The following PIK3C2G variants were observed in gnomAD, a reference collection of about 807,000 sequenced individuals.
The protein encoded by PIK3C2G is phosphatidylinositol 3-kinase C2 domain-containing subunit gamma.
Under a neutral mutation model 181.1 loss-of-function variants are expected in PIK3C2G, and 168 were observed. The ratio of observed to expected loss-of-function variants is 0.93; its 90% confidence interval spans 0.82 to 1.05. The LOEUF (loss-of-function observed/expected upper bound fraction) is 1.05, where lower values mean the gene tolerates loss of function less well. Ranked by LOEUF, PIK3C2G falls within the 50% of genes least tolerant of loss-of-function variation. The pLI, the probability that PIK3C2G is intolerant of heterozygous loss-of-function variation, is 0.00. For synonymous variants in PIK3C2G, 573 were observed against 592.2 expected (o/e 0.97, Z 0.47); for missense variants, 1,869 against 1,732.8 (o/e 1.08, Z -1.40).
At chr12:18,539,404 G>A (rs967008678) in intron 25 of PIK3C2G, among the ~76,000 whole-genome samples, 1 of 151,786 alleles carries the variant, frequency 6.6e-6, no homozygotes, top group African/African-American at 2.4e-5. Context: ...ACTTAGCACA[G>A]TACTTGCCAT....
intron 1 of PIK3C2G, among the ~76,000 whole-genome samples, chr12:18,265,303 A>T (rs1482465816): frequency 6.6e-6 from 1 of 152,204 alleles, no homozygotes; most frequent in Non-Finnish European, 1.5e-5. Context: ...TCATTTAAGG[A>T]ATCATGAATA....
At chr12:18,313,888 G>C in intron 5 of PIK3C2G, 74 bp from the exon 6 acceptor site, 1 of 792,888 alleles carries the variant, frequency 1.3e-6, no homozygotes. Flanking sequence ...AAAAGAAAAT[G>C]AAGTCAGAGA....
chr12:18,362,714 T>C, intron 11 of PIK3C2G, 50 bp from the exon 12 acceptor site: 1 of 1,368,382 alleles, frequency 7.3e-7, no homozygotes. Context: ...TATAGAAAGC[T>C]AGTTTCTTTA....
chr12:18,549,375 G>A (rs987826901), intron 26 of PIK3C2G, among the ~76,000 whole-genome samples: 2 of 151,938 alleles, frequency 1.3e-5, no homozygotes, highest in Non-Finnish European at 2.9e-5. Flanking sequence ...TATATAAAAA[G>A]CATATAATAA....
chr12:18,674,504 T>C, the PIK3C2G span, among the ~76,000 whole-genome samples: 3 of 152,172 alleles, frequency 2.0e-5, no homozygotes, highest in Non-Finnish European at 4.4e-5. Flanking sequence ...ATTGAGCAAA[T>C]ACATGAATGT....
intron 11 of PIK3C2G, among the ~76,000 whole-genome samples, chr12:18,361,612 C>T (rs943879019): frequency 6.6e-6 from 1 of 151,824 alleles, no homozygotes; most frequent in African/African-American, 2.4e-5. Flanking sequence ...CACATCTTCA[C>T]TCTGCTTGTA....
intron 18 of PIK3C2G, among the ~76,000 whole-genome samples, chr12:18,479,620 C>A (rs1013291260): frequency 6.6e-6 from 1 of 152,080 alleles, no homozygotes; most frequent in Non-Finnish European, 1.5e-5. Context: ...TATAGAGCCC[C>A]GGAACTGGAA....
intron 12 of PIK3C2G, among the ~76,000 whole-genome samples, chr12:18,363,569 G>T (rs61914508): frequency 1.3e-5 from 2 of 151,798 alleles, no homozygotes; most frequent in Non-Finnish European, 2.9e-5. Context: ...CTGCCAGCTT[G>T]CTCTCAGTCA....
intron 15 of PIK3C2G, among the ~76,000 whole-genome samples, chr12:18,399,111 C>T (rs1301767452): frequency 6.8e-6 from 1 of 146,942 alleles, no homozygotes; most frequent in African/African-American, 2.5e-5. Context: ...AGGAGAATGG[C>T]GTGAACCCGG....
the PIK3C2G span, among the ~76,000 whole-genome samples, chr12:18,677,811 T>C: frequency 6.6e-6 from 1 of 152,212 alleles, no homozygotes; most frequent in South Asian, 2.1e-4. Context: ...ATCTAAAAAA[T>C]ATAAGCACAA....
the PIK3C2G span, among the ~76,000 whole-genome samples, chr12:18,713,346 T>C: frequency 6.6e-6 from 1 of 152,180 alleles, no homozygotes; most frequent in Non-Finnish European, 1.5e-5. Flanking sequence ...TGGTGGCATT[T>C]ACTGTTCAAT....
chr12:18,683,321 TAACCTGCAA>T, the PIK3C2G span: 1 of 1,612,280 alleles, frequency 6.2e-7, no homozygotes, highest in Non-Finnish European at 8.5e-7. Context: ...AATACGACGA[TAACCTGCAA>T]AAGGAATTAT....
At chr12:18,693,255 A>T in the PIK3C2G span, 1 of 1,541,642 alleles carries the variant, frequency 6.5e-7, no homozygotes, top group Non-Finnish European at 9.0e-7. Context: ...GCATACCATG[A>T]TAGGGGTGCT....
At chr12:18,325,207 A>ACCCAC in intron 8 of PIK3C2G, 109 bp downstream of exon 8, 1 of 552,382 alleles carries the variant, frequency 1.8e-6, no homozygotes, top group Non-Finnish European at 3.2e-6. Flanking sequence ...AATAAAACAG[A>ACCCAC]GGATCTACAC....
intron 12 of PIK3C2G, among the ~76,000 whole-genome samples, chr12:18,367,304 A>G (rs141439006): frequency 6.6e-6 from 1 of 152,326 alleles, no homozygotes; most frequent in Non-Finnish European, 1.5e-5. Flanking sequence ...ACCTTAAATG[A>G]ATATGACAAG....
At chr12:18,592,070 G>A (rs1234177514) in intron 29 of PIK3C2G, among the ~76,000 whole-genome samples, 1 of 151,778 alleles carries the variant, frequency 6.6e-6, no homozygotes, top group Non-Finnish European at 1.5e-5. Context: ...CTATTTAGTG[G>A]TACACTTTTG....
intron 15 of PIK3C2G, among the ~76,000 whole-genome samples, chr12:18,397,745 T>C (rs1943982195): frequency 6.6e-6 from 1 of 152,072 alleles, no homozygotes; most frequent in Non-Finnish European, 1.5e-5. Context: ...ACCTAACATA[T>C]AACCATGTCC....
intron 6 of PIK3C2G, among the ~76,000 whole-genome samples, chr12:18,317,059 G>A (rs1174565892): frequency 6.8e-6 from 1 of 147,674 alleles, no homozygotes; most frequent in East Asian, 2.0e-4. Flanking sequence ...TGTTGCCCAG[G>A]CTGGAGTGCA....
rs73339296 is a variant in PIK3C2G, at chr12:18,252,475, G to A, written c.-79+4393G>A. 3.2e-3 allele frequency among the ~76,000 whole-genome samples: 484 copies of A among 152,228 alleles called. 3 individuals are homozygous for A. The highest frequency in any genetic ancestry group is 0.011 in the African/African-American group (441 of 41,546). On this transcript the variant is annotated intron_variant, in intron 1 of 11. Transcript: ENST00000535651. ...ACCTGTAATAAAAGATTAACAAAAC[G>A]CATATAAATGTATTGAATAAAAGTT...
Sources: gnomAD v4.1 joint callset for allele counts (sites outside exome capture counted in the v4.1 genomes callset) on GRCh38, gnomAD v4.1.1 for gene constraint, MANE v1.5 for transcripts, NCBI Gene and HGNC (gene_info 2026-07-23, HGNC 2026-07-21) for gene names.